Variants in SCAF4 observed in about 807,000 individuals in gnomAD.
SCAF4 encodes the protein SR-related CTD associated factor 4.
A neutral mutation model predicts 129.8 loss-of-function variants in SCAF4; 25 were observed. The observed-to-expected ratio is 0.19, with a 90% CI of 0.14 to 0.27. The LOEUF (loss-of-function observed/expected upper bound fraction) is 0.27, where lower values mean the gene tolerates loss of function less well. SCAF4 is among the 10% of genes least tolerant of loss of function. The pLI is 1.00. For synonymous variants in SCAF4, 551 were observed against 497.7 expected (o/e 1.11, Z -1.43); for missense variants, 1,246 against 1,457.1 (o/e 0.86, Z 2.36).
intron 1 of SCAF4, among the ~76,000 whole-genome samples, chr21:31,723,795 T>C (rs930397473): frequency 8.5e-5 from 13 of 152,304 alleles, no homozygotes; most frequent in African/African-American, 3.1e-4. Flanking sequence ...CTCTCCGGTC[T>C]CTTCCAACTG....
chr21:31,695,693 C>T (rs1280637757), intron 9 of SCAF4, among the ~76,000 whole-genome samples: 1 of 152,192 alleles, frequency 6.6e-6, no homozygotes, highest in Non-Finnish European at 1.5e-5. Flanking sequence ...TCTCTACTAA[C>T]TTCCTGCAAC....
Position 31,672,170 on chromosome 21 carries a change from C to G in SCAF4, c.2673G>C (p.Pro891=), listed in dbSNP as rs779473159. The G allele has an allele frequency of 3.1e-6, 5 of 1,603,318 alleles. No homozygotes were observed. The African/African-American group carries it at 5.4e-5, about 17-fold the overall frequency. The change falls in exon 20 of 20, where the codon CCG becomes CCC. Residue 891 remains proline (P), a synonymous_variant. Coordinates refer to ENST00000286835, the MANE Select transcript of SCAF4 (RefSeq NM_020706.2). ...MPPHMMHRGP[P]PGPGGFAMPP... is the part of the protein sequence containing the mutation. ...GCATCGCAAAGCCCCCTGGTCCTGG[C>G]GGTGGGCCTCTGTGCATCATGTGCG...
In SCAF4 at chr21:31,694,237, T is replaced by C; in HGVS notation, c.1289A>G (p.Asp430Gly). 1.2e-6 allele frequency: 2 copies of C among 1,610,404 alleles called. No individual in the cohort carries two copies. Among genetic ancestry groups the C allele is most frequent in the South Asian group, 1.1e-5 (1 of 90,766 alleles). Reference sequence around the variant, plus strand: ...TGACCTAGATCTTGACTTTCTGTTATCAGACATATGTCGCTTAACCTCTTG... The same window carrying C: ...TGACCTAGATCTTGACTTTCTGTTACCAGACATATGTCGCTTAACCTCTTG... ...CIQEVKRHMS[D>G]NRKSRSRSAS... Residue 430 changes from aspartate to glycine, a missense_variant, in exon 11 of 20, where the codon GAT becomes GGT. By Grantham distance (94) the Asp-to-Gly change is moderately conservative. This residue lies in a region of SCAF4 where 236 missense variants were observed against 210.0 expected (regional missense o/e 1.12). Transcript: ENST00000286835.
At chr21:31,683,167 T>C (rs992779433) in intron 19 of SCAF4, among the ~76,000 whole-genome samples, 5 of 152,222 alleles carry the variant, frequency 3.3e-5, no homozygotes, top group Non-Finnish European at 7.3e-5. Context: ...TGAACAGTCC[T>C]GCATTGAAAA....
intron 10 of SCAF4, 84 bp downstream of exon 10, chr21:31,694,728 TG>T (rs1456537351): frequency 7.4e-7 from 1 of 1,344,394 alleles, no homozygotes; most frequent in African/African-American, 1.5e-5. Context: ...TATTCAAAAA[TG>T]AAGACAGCAA....
chr21:31,684,183 A>C (rs1355365014), intron 19 of SCAF4: 1 of 153,414 alleles, frequency 6.5e-6, no homozygotes, highest in Non-Finnish European at 1.5e-5. Context: ...GCAAACAGGC[A>C]TATGCATATA....
chr21:31,701,308 T>C (rs1238132167), intron 6 of SCAF4, 137 bp from the exon 7 acceptor site: 5 of 655,114 alleles, frequency 7.6e-6, no homozygotes, highest in African/African-American at 5.5e-5. Flanking sequence ...AATCCTTTTA[T>C]GAATGGTTAA....
intron 16 of SCAF4, among the ~76,000 whole-genome samples, 193 bp downstream of exon 16, chr21:31,688,114 C>CAA (rs61592268): frequency 0.13 from 1,402 of 10,862 alleles, 487 homozygotes; most frequent in Non-Finnish European, 0.16. Flanking sequence ...GACTCTGTCT[C>CAA]AAAAAAAAAA....
At position 31,731,773 on chromosome 21, in the gene SCAF4, G is replaced by A; in HGVS notation, c.-81C>T. ...GCGGCGGAGCGGGGCTGGGAAACCA[G>A]CCGGGCCTGGTGGCCGGGGGGAGGC... On this transcript the variant is annotated 5_prime_UTR_variant, in exon 1 of 20. Transcript: ENST00000286835. The A allele has an allele frequency of 6.8e-7, 1 of 1,473,872 alleles. No homozygotes were observed. The highest frequency in any genetic ancestry group is 2.7e-5 in the East Asian group (1 of 36,968). The allele number at this position is 1,473,872 out of a possible 1,614,324, so 91.3% of individuals were successfully genotyped here.
chr21:31,681,567 G>A (rs2298367), intron 19 of SCAF4, among the ~76,000 whole-genome samples: 37,235 of 151,974 alleles, frequency 0.25, 5,173 homozygotes, highest in Middle Eastern at 0.36. Context: ...TCTCTCCTAA[G>A]TGACCAACAA....
chr21:31,694,560 A>G (rs1445519559), intron 10 of SCAF4, among the ~76,000 whole-genome samples: 2 of 152,184 alleles, frequency 1.3e-5, no homozygotes, highest in African/African-American at 2.4e-5. Context: ...TTAATAAACC[A>G]TTATCTAATG....
chr21:31,702,507 G>T, intron 4 of SCAF4, 128 bp from the exon 5 acceptor site: 1 of 806,802 alleles, frequency 1.2e-6, no homozygotes. Flanking sequence ...TCATAAACAA[G>T]GAAAAAAAAA....
chr21:31,699,157 A>G (rs1466158894), intron 7 of SCAF4, among the ~76,000 whole-genome samples: 3 of 152,236 alleles, frequency 2.0e-5, no homozygotes, highest in Admixed American at 1.3e-4. Context: ...TCCAGAGATA[A>G]GACACAGAAA....
rs1485823403 is a variant in SCAF4, at chr21:31,692,165, T to C, written c.1614+184A>G. ...TTAAACTTGGTTATCCAAGAAATGT[T>C]AAATACAAAGAATTCTAAGAAATGT... On this transcript the variant is annotated intron_variant, in intron 13 of 19. Coordinates refer to ENST00000286835, the MANE Select transcript of SCAF4 (RefSeq NM_020706.2). 11 of 594,950 alleles carry C rather than the reference T, an allele frequency of 1.8e-5. No homozygotes were observed. In the East Asian group the frequency reaches 3.0e-4, roughly 16 times the overall value. 36.9% of individuals were successfully genotyped at this position (594,950 alleles called of 1,614,324 possible).
At chr21:31,729,595 T>A (rs868160419) in intron 1 of SCAF4, among the ~76,000 whole-genome samples, 21 of 151,692 alleles carry the variant, frequency 1.4e-4, no homozygotes, top group African/African-American at 5.1e-4. Flanking sequence ...ATTTCATGAA[T>A]GGGGAGAAAT....
At chr21:31,704,834 T>C (rs562077513) in intron 3 of SCAF4, among the ~76,000 whole-genome samples, 2 of 152,326 alleles carry the variant, frequency 1.3e-5, no homozygotes, top group South Asian at 2.1e-4. Context: ...TTTTTGCCTG[T>C]TGGAACTTTA....
chr21:31,724,312 C>CT (rs1321373892), intron 1 of SCAF4, among the ~76,000 whole-genome samples: 1 of 152,144 alleles, frequency 6.6e-6, no homozygotes, highest in African/African-American at 2.4e-5. Context: ...GCAAATTTAA[C>CT]TATTACCCAC....
chr21:31,711,568 A>G (rs1319815509), intron 1 of SCAF4, among the ~76,000 whole-genome samples: 2 of 152,234 alleles, frequency 1.3e-5, no homozygotes, highest in African/African-American at 4.8e-5. Context: ...CTGCTCAGTT[A>G]TAAAGTTAAT....
chr21:31,674,323 G>C (rs2049794304), intron 19 of SCAF4, among the ~76,000 whole-genome samples: 1 of 152,108 alleles, frequency 6.6e-6, no homozygotes, highest in South Asian at 2.1e-4. Context: ...TTTTTATAAA[G>C]AATTGCCTAC....
Sources: allele counts gnomAD v4.1 joint callset (sites outside exome capture counted in the v4.1 genomes callset), GRCh38; gene constraint gnomAD v4.1.1; regional missense constraint gnomAD v4.1.1; transcripts MANE v1.5; gene names NCBI Gene and HGNC (gene_info 2026-07-23, HGNC 2026-07-21).